The following TLE5 variants were observed in gnomAD, a reference collection of about 807,000 sequenced individuals.
The protein encoded by TLE5 is TLE family member 5, transcriptional modulator, also known as TLE family member 5.
TLE5 carries 7 observed loss-of-function variants against 25.8 expected under a neutral mutation model. The observed-to-expected ratio is 0.27, with a 90% confidence interval of 0.15 to 0.51. TLE5 has a LOEUF of 0.51. Among genes scored for constraint, TLE5 ranks in the 20% least tolerant of loss-of-function variants. TLE5 has a pLI of 0.97. For missense variants in TLE5, 149 were observed against 250.7 expected, an observed-to-expected ratio of 0.59 and a Z score of 2.74; for synonymous variants, 132 against 110.5, an observed-to-expected ratio of 1.20 and a Z score of -1.22.
At position 3,056,366 on chromosome 19, in the gene TLE5, GGA is replaced by G. The variant is rs749617428; in HGVS notation, c.190-12_190-11del. The G allele has an allele frequency of 1.1e-5, 14 of 1,238,766 alleles. No homozygotes were observed. Among genetic ancestry groups the G allele is most frequent in the South Asian group, 6.5e-5 (5 of 76,432 alleles). 76.7% of individuals were successfully genotyped at this position (1,238,766 alleles called of 1,614,324 possible). A position where few individuals can be genotyped will look rare whatever the true frequency, so the allele number is the denominator to read the frequency against. ...AGGACATCTCGTAGTACTGTATGGG[GGA>G]GAGAGAGGGGGAGCGGGAGATGGGG... On this transcript the variant is annotated splice_polypyrimidine_tract_variant and intron_variant, in intron 3 of 6. Transcript: ENST00000327141.
chr19:3,056,372 A>G lies in TLE5; in HGVS notation c.190-16T>C, dbSNP rs1198303014. 19 of 756,248 alleles carry G rather than the reference A, an allele frequency of 2.5e-5. 1 individual carries two copies. In the Admixed American group the frequency reaches 8.5e-4, roughly 34 times the overall value. The allele number at this position is 756,248 out of a possible 1,614,324, so 46.8% of individuals were successfully genotyped here. A position where few individuals can be genotyped will look rare whatever the true frequency, so the allele number is the denominator to read the frequency against. ...TCTCGTAGTACTGTATGGGGGAGAG[A>G]GAGGGGGAGCGGGAGATGGGGGTGG... is the stretch of plus-strand genomic sequence containing the variant. On this transcript the variant is annotated splice_polypyrimidine_tract_variant and intron_variant, in intron 3 of 6. Transcript: ENST00000327141.
intron 2 of TLE5, 48 bp from the exon 3 acceptor site, chr19:3,057,790 G>A (rs746735329): frequency 6.4e-7 from 1 of 1,568,758 alleles, no homozygotes; most frequent in East Asian, 2.3e-5. Flanking sequence ...CGGCTGGGCG[G>A]GAGCCCCCCA....
intron 5 of TLE5, chr19:3,054,739 C>T (rs2090203187): frequency 6.3e-6 from 1 of 157,948 alleles, no homozygotes; most frequent in Non-Finnish European, 1.4e-5. Flanking sequence ...TCTCCCCAAA[C>T]ACCTGACTCT....
intron 6 of TLE5, 34 bp downstream of exon 6, chr19:3,054,086 T>TCGGGGGGGGGGGGCCCCCCC: frequency 1.9e-5 from 28 of 1,512,664 alleles, no homozygotes; most frequent in East Asian, 2.4e-5. Flanking sequence ...GGCCCACCTG[T>TCGGGGGGGGGGGGCCCCCCC]CCCCCGCCCA....
Position 3,061,112 on chromosome 19 carries a change from G to C in TLE5, c.125+48C>G, listed in dbSNP as rs200622034. 393 of 1,414,368 alleles carry C rather than the reference G, an allele frequency of 2.8e-4. 2 individuals are homozygous for C. The African/African-American group carries it at 4.8e-3, about 17-fold the overall frequency. The allele number at this position is 1,414,368 out of a possible 1,614,324, so 87.6% of individuals were successfully genotyped here. ...CTTGCCATCTGCGCAGAAGAAATGG[G>C]GGGACTCACATTCTCGGGACGCAGG... On this transcript the variant is annotated intron_variant, in intron 2 of 6. Coordinates refer to ENST00000327141, the MANE Select transcript of TLE5 (RefSeq NM_001130.6).
chr19:3,055,792 G>C, intron 4 of TLE5, 66 bp from the exon 5 acceptor site: 1 of 1,504,880 alleles, frequency 6.6e-7, no homozygotes, highest in Non-Finnish European at 9.0e-7. Context: ...AGCCACAGGA[G>C]GCCTGCGCGG....
intron 3 of TLE5, chr19:3,056,787 G>T (rs376452535): frequency 3.9e-6 from 1 of 254,472 alleles, no homozygotes. Flanking sequence ...TGGCTCTGGG[G>T]CCAGCAGCTA....
chr19:3,061,564 G>A (rs1329208254), intron 1 of TLE5, among the ~76,000 whole-genome samples: 2 of 151,914 alleles, frequency 1.3e-5, no homozygotes, highest in Non-Finnish European at 2.9e-5. Context: ...CCAAAGCGCC[G>A]GGAGGGAGTG....
In TLE5 at chr19:3,060,464, C is replaced by G. The variant is rs946625595; in HGVS notation, c.125+696G>C. On this transcript the variant is annotated intron_variant, in intron 2 of 6. Transcript: ENST00000327141. ...TTTCCTGCCTCAGCCACCCGAGTAGCTGGGATTACAGGCGCCCGCCACCAC... is the reference window on the plus strand; with the variant it reads ...TTTCCTGCCTCAGCCACCCGAGTAGGTGGGATTACAGGCGCCCGCCACCAC... Among the ~76,000 whole-genome samples, 107 of 151,544 alleles carry G rather than the reference C, an allele frequency of 7.1e-4. 1 individual carries two copies. The highest frequency in any genetic ancestry group is 2.5e-3 in the African/African-American group (103 of 41,270).
At chr19:3,061,288 C>T (rs1296102774) in intron 1 of TLE5, 31 bp from the exon 2 acceptor site, 18 of 1,570,200 alleles carry the variant, frequency 1.1e-5, no homozygotes, top group East Asian at 2.2e-5. Flanking sequence ...GGGTCAGGCC[C>T]AGGCGTGGGC....
At chr19:3,062,132 C>T (rs1599276337) in intron 1 of TLE5, 42 bp downstream of exon 1, 1 of 882,766 alleles carries the variant, frequency 1.1e-6, no homozygotes, top group Non-Finnish European at 1.3e-6. Flanking sequence ...GCGTAGGGCC[C>T]GGATCCGGGG....
intron 5 of TLE5, chr19:3,054,820 G>A (rs2090203795): frequency 6.5e-6 from 1 of 154,050 alleles, no homozygotes; most frequent in Non-Finnish European, 1.4e-5. Flanking sequence ...CTGTTCTGAA[G>A]GGCTCCAAGT....
intron 1 of TLE5, 80 bp from the exon 2 acceptor site, chr19:3,061,337 C>G: frequency 8.9e-7 from 1 of 1,125,004 alleles, no homozygotes; most frequent in Non-Finnish European, 1.3e-6. Context: ...GGAGCGGCCG[C>G]GCAGCTGCGG....
intron 2 of TLE5, 174 bp downstream of exon 2, chr19:3,060,986 C>T: frequency 2.0e-6 from 1 of 503,562 alleles, no homozygotes; most frequent in Admixed American, 3.1e-5. Flanking sequence ...CGGTTTTCTC[C>T]TCTACAAAAT....
At chr19:3,060,788 A>G (rs2090259913) in intron 2 of TLE5, among the ~76,000 whole-genome samples, 1 of 151,876 alleles carries the variant, frequency 6.6e-6, no homozygotes, top group Admixed American at 6.6e-5. Flanking sequence ...AACTGGGCAA[A>G]GAGAGAGATG....
intron 4 of TLE5, 46 bp downstream of exon 4, chr19:3,056,256 TGGGGGGAGGA>T: frequency 2.6e-6 from 2 of 782,114 alleles, no homozygotes; most frequent in Non-Finnish European, 3.1e-6. Flanking sequence ...GGGCTGGAGG[TGGGGGGAGGA>T]GGGGGAAGGA....
chr19:3,057,337 G>C (rs1568264543), intron 3 of TLE5: 1 of 339,472 alleles, frequency 2.9e-6, no homozygotes, highest in Non-Finnish European at 5.6e-6. Flanking sequence ...TGGCGGTGGG[G>C]AGGGACTCGG....
upstream of TLE5, chr19:3,062,860 A>G: frequency 6.7e-7 from 1 of 1,498,264 alleles, no homozygotes; most frequent in Non-Finnish European, 9.1e-7. Flanking sequence ...GCTGAGCCTT[A>G]GTTTCCTTTT....
rs747113305 is a variant in TLE5, at chr19:3,057,685, A to G, written c.183T>C (p.Tyr61=). 2.7e-5 allele frequency: 44 copies of G among 1,613,414 alleles called. 1 individual carries two copies. In the South Asian group the frequency reaches 3.1e-4, roughly 11 times the overall value. Residue 61 remains tyrosine (Y), a synonymous_variant, in exon 3 of 7, where the codon TAT becomes TAC. Coordinates refer to ENST00000327141, the MANE Select transcript of TLE5 (RefSeq NM_001130.6). The part of the protein sequence containing the change: ...ASEKSEMQRH[Y]VMYYEMSYGL... ...GGGGGCGGAGTGACGTTACCATCAC[A>G]TAGTGACGCTGCATCTCTGACTTCT... is the stretch of plus-strand genomic sequence containing the variant.
Sources: allele counts gnomAD v4.1 joint callset (sites outside exome capture counted in the v4.1 genomes callset), GRCh38; gene constraint gnomAD v4.1.1; transcripts MANE v1.5; gene names NCBI Gene and HGNC (gene_info 2026-07-23, HGNC 2026-07-21).